The following RORA variants were observed in gnomAD, a reference collection of about 807,000 sequenced individuals.
RORA encodes RAR related orphan receptor A.
Under a neutral mutation model 69.5 loss-of-function variants are expected in RORA, and 7 were observed. That is an observed-to-expected ratio of 0.10 (90% CI 0.06 to 0.19). RORA has a LOEUF of 0.19. RORA is among the 10% of genes least tolerant of loss of function. The pLI is 1.00. For missense variants in RORA, 457 were observed against 663.0 expected, an observed-to-expected ratio of 0.69 and a Z score of 3.41; for synonymous variants, 261 against 240.8, an observed-to-expected ratio of 1.08 and a Z score of -0.78.
intron 1 of RORA, among the ~76,000 whole-genome samples, chr15:61,001,771 A>G (rs1002804078): frequency 6.6e-6 from 1 of 152,252 alleles, no homozygotes; most frequent in African/African-American, 2.4e-5. Context: ...TATGACAAAA[A>G]TTAAATCAAG....
intron 3 of RORA, among the ~76,000 whole-genome samples, chr15:60,525,321 G>A (rs750669580): frequency 6.6e-6 from 1 of 152,172 alleles, no homozygotes; most frequent in East Asian, 1.9e-4. Context: ...TGCACTGTGG[G>A]TGTGGCTGGG....
chr15:60,996,011 T>G (rs998347369), intron 1 of RORA, among the ~76,000 whole-genome samples: 6 of 152,154 alleles, frequency 3.9e-5, no homozygotes, highest in Admixed American at 2.6e-4. Flanking sequence ...ACTAAGATAT[T>G]TAGGAGCTTA....
intron 2 of RORA, among the ~76,000 whole-genome samples, chr15:60,647,347 C>CAGAGACT (rs1555442490): frequency 1.3e-5 from 2 of 152,218 alleles, no homozygotes; most frequent in African/African-American, 4.8e-5. Context: ...CCAGAAAAGA[C>CAGAGACT]AGAGACTTAT....
intron 1 of RORA, among the ~76,000 whole-genome samples, chr15:60,827,795 C>G (rs2072986271): frequency 6.6e-6 from 1 of 152,220 alleles, no homozygotes; most frequent in African/African-American, 2.4e-5. Context: ...TTGCTGCTTC[C>G]AGTTCCAATC....
At chr15:60,503,816 T>G (rs2065406961) in intron 6 of RORA, 149 bp from the exon 7 acceptor site, 1 of 943,524 alleles carries the variant, frequency 1.1e-6, no homozygotes, top group African/African-American at 1.7e-5. Flanking sequence ...TTTTATTTTA[T>G]TTTTGAGATG....
chr15:61,024,499 AG>A (rs1195129138), intron 1 of RORA, among the ~76,000 whole-genome samples: 1 of 143,564 alleles, frequency 7.0e-6, no homozygotes, highest in East Asian at 2.1e-4. Flanking sequence ...CCCAGGCTGG[AG>A]GGGGCAGTGG....
At chr15:60,574,258 A>G (rs1334768897) in intron 2 of RORA, among the ~76,000 whole-genome samples, 1 of 152,218 alleles carries the variant, frequency 6.6e-6, no homozygotes, top group African/African-American at 2.4e-5. Flanking sequence ...GGAGGATGAA[A>G]GGCTAATGTA....
intron 1 of RORA, among the ~76,000 whole-genome samples, chr15:60,856,244 C>G (rs996263803): frequency 3.9e-5 from 6 of 152,214 alleles, no homozygotes; most frequent in African/African-American, 1.4e-4. Context: ...TTTGAGGCCA[C>G]TATTAAGTGG....
intron 1 of RORA, among the ~76,000 whole-genome samples, chr15:61,074,064 A>G (rs2078410366): frequency 6.6e-6 from 1 of 152,184 alleles, no homozygotes; most frequent in South Asian, 2.1e-4. Context: ...AATGTCAACT[A>G]CAGAATGGGG....
At chr15:60,647,837 C>T (rs1190222619) in intron 2 of RORA, among the ~76,000 whole-genome samples, 1 of 152,162 alleles carries the variant, frequency 6.6e-6, no homozygotes, top group East Asian at 1.9e-4. Context: ...ACCAGGAAGC[C>T]ACCCTCAGCC....
intron 1 of RORA, among the ~76,000 whole-genome samples, chr15:61,156,897 T>C (rs2079448994): frequency 2.0e-5 from 3 of 152,208 alleles, no homozygotes; most frequent in Admixed American, 1.3e-4. Flanking sequence ...ATACCATCTA[T>C]CTTTTGTAAT....
chr15:60,525,935 A>G (rs1335793805), intron 3 of RORA, among the ~76,000 whole-genome samples: 2 of 152,104 alleles, frequency 1.3e-5, no homozygotes, highest in African/African-American at 4.8e-5. Flanking sequence ...TAGAGGGGGA[A>G]AAAGAGGATA....
intron 1 of RORA, among the ~76,000 whole-genome samples, chr15:60,712,392 C>T (rs1259268943): frequency 6.6e-6 from 1 of 152,150 alleles, no homozygotes; most frequent in African/African-American, 2.4e-5. Flanking sequence ...TGAGTGACTG[C>T]CATCTTTAGC....
At chr15:60,886,861 T>C (rs1234421153) in intron 1 of RORA, among the ~76,000 whole-genome samples, 1 of 152,196 alleles carries the variant, frequency 6.6e-6, no homozygotes, top group Non-Finnish European at 1.5e-5. Flanking sequence ...TAAGAGTTTG[T>C]GGCATAGACT....
chr15:60,873,032 C>T (rs16943259), intron 1 of RORA, among the ~76,000 whole-genome samples: 21,363 of 152,024 alleles, frequency 0.14, 1,706 homozygotes, highest in Non-Finnish European at 0.18. Flanking sequence ...TCTTAGTTTT[C>T]GTTTTTCACA....
chr15:60,868,993 C>T (rs1464713959), intron 1 of RORA, among the ~76,000 whole-genome samples: 1 of 152,178 alleles, frequency 6.6e-6, no homozygotes, highest in Non-Finnish European at 1.5e-5. Flanking sequence ...CCATGCCAAA[C>T]ATGATGGATG....
chr15:61,092,592 TA>T (rs2078724245), intron 1 of RORA, among the ~76,000 whole-genome samples: 1 of 152,164 alleles, frequency 6.6e-6, no homozygotes, highest in Non-Finnish European at 1.5e-5. Flanking sequence ...AAAAGAAATG[TA>T]AAAATATGAA....
At chr15:60,933,733 T>A (rs1024387087) in intron 1 of RORA, among the ~76,000 whole-genome samples, 7 of 152,322 alleles carry the variant, frequency 4.6e-5, no homozygotes, top group African/African-American at 1.7e-4. Flanking sequence ...TAGATGGATG[T>A]TCTAAAATTA....
At chr15:60,667,661 C>A (rs1453617929) in intron 2 of RORA, among the ~76,000 whole-genome samples, 2 of 152,032 alleles carry the variant, frequency 1.3e-5, no homozygotes, top group Non-Finnish European at 2.9e-5. Context: ...ACTCTGTCAC[C>A]CAGGCTGGAG....
Sources: gnomAD v4.1 joint callset for allele counts (sites outside exome capture counted in the v4.1 genomes callset) on GRCh38, gnomAD v4.1.1 for gene constraint, MANE v1.5 for transcripts, NCBI Gene and HGNC (gene_info 2026-07-23, HGNC 2026-07-21) for gene names.